The following SLC14A2 variants were observed in gnomAD, a reference collection of about 807,000 sequenced individuals.
SLC14A2 encodes solute carrier family 14 member 2, also known as urea transporter 2.
In SLC14A2, 91 loss-of-function variants were observed where a neutral mutation model predicts 104.6. The ratio of observed to expected loss-of-function variants is 0.87; its 90% CI spans 0.73 to 1.04. The LOEUF (loss-of-function observed/expected upper bound fraction) is 1.04, where lower values mean the gene tolerates loss of function less well. SLC14A2 is among the 50% of genes least tolerant of loss of function. SLC14A2 has a pLI of 0.00. For missense variants in SLC14A2, 1,189 were observed against 1,156.0 expected (o/e 1.03, Z -0.41); for synonymous variants, 476 against 466.4 (o/e 1.02, Z -0.27).
Position 45,505,546 on chromosome 18 carries a change from C to G in SLC14A2, c.-35+22224C>G, listed in dbSNP as rs545815975. 7.8e-4 allele frequency among the ~76,000 whole-genome samples: 119 copies of G among 152,204 alleles called. 1 individual carries two copies. The highest frequency in any genetic ancestry group is 2.6e-3 in the African/African-American group (109 of 41,532). On this transcript the variant is annotated intron_variant, in intron 2 of 20. Coordinates refer to the SLC14A2 transcript ENST00000586448. ...CAACTTTCTGAGTTTTCCCTGCATC[C>G]CCACATACCTCACCCCAGAAACAGC...
chr18:45,473,280 C>T (rs543039896), intron 1 of SLC14A2, among the ~76,000 whole-genome samples: 3 of 152,142 alleles, frequency 2.0e-5, no homozygotes, highest in African/African-American at 7.2e-5. Context: ...GTTACTGTAG[C>T]GTTGTAGTAT....
intron 2 of SLC14A2, among the ~76,000 whole-genome samples, chr18:45,531,509 G>A (rs1201118990): frequency 2.0e-5 from 3 of 152,028 alleles, no homozygotes; most frequent in Non-Finnish European, 2.9e-5. Flanking sequence ...TTTTGAGAAG[G>A]GTCTGTTCAT....
intron 1 of SLC14A2, among the ~76,000 whole-genome samples, chr18:45,259,840 G>T (rs2084517490): frequency 6.6e-6 from 1 of 152,164 alleles, no homozygotes; most frequent in Non-Finnish European, 1.5e-5. Context: ...AGTAATCTGG[G>T]GAAGTAGATG....
intron 1 of SLC14A2, among the ~76,000 whole-genome samples, chr18:45,393,585 A>C (rs1235936964): frequency 6.6e-6 from 1 of 152,202 alleles, no homozygotes; most frequent in African/African-American, 2.4e-5. Flanking sequence ...AAAGATCACT[A>C]TCCCAAGAAG....
intron 2 of SLC14A2, among the ~76,000 whole-genome samples, chr18:45,563,847 G>A (rs1181308541): frequency 6.6e-6 from 1 of 152,188 alleles, no homozygotes; most frequent in African/African-American, 2.4e-5. Flanking sequence ...ATTTGTCACT[G>A]GTAATGCCAC....
chr18:45,283,420 A>T (rs891329573), intron 1 of SLC14A2, among the ~76,000 whole-genome samples: 1 of 136,576 alleles, frequency 7.3e-6, no homozygotes, highest in African/African-American at 3.2e-5. Context: ...TTTCCCTCTG[A>T]CTCTGAGCAG....
intron 10 of SLC14A2, among the ~76,000 whole-genome samples, chr18:45,653,553 T>C (rs1385897074): frequency 1.3e-5 from 2 of 152,076 alleles, no homozygotes; most frequent in Non-Finnish European, 2.9e-5. Flanking sequence ...CATGTTTGGA[T>C]TGGGCCCCCT....
intron 2 of SLC14A2, among the ~76,000 whole-genome samples, chr18:45,555,566 C>T (rs1175311173): frequency 1.3e-5 from 2 of 152,208 alleles, no homozygotes; most frequent in African/African-American, 4.8e-5. Context: ...AGGATTCATA[C>T]ATAAACCAAT....
chr18:45,343,233 A>G (rs1468117013), intron 1 of SLC14A2, among the ~76,000 whole-genome samples: 1 of 148,946 alleles, frequency 6.7e-6, no homozygotes, highest in Non-Finnish European at 1.5e-5. Context: ...TGAAGGTTGC[A>G]TTGTGTCTCT....
chr18:45,456,848 G>C lies in SLC14A2; in HGVS notation c.-124-26385G>C, dbSNP rs117084873. On this transcript the variant is annotated intron_variant, in intron 1 of 20. Coordinates refer to the SLC14A2 transcript ENST00000586448. Reference sequence around the variant, plus strand: ...TCTTCCCAGCTGCAGGGCTGTTGCAGATTTTCAAAGCTGAGGTAAAGACAG... The same window carrying C: ...TCTTCCCAGCTGCAGGGCTGTTGCACATTTTCAAAGCTGAGGTAAAGACAG... Among the ~76,000 whole-genome samples, 932 of 151,600 alleles carry C rather than the reference G, an allele frequency of 6.1e-3. 8 individuals carry two copies. Among genetic ancestry groups the C allele is most frequent in the Non-Finnish European group, 8.0e-3 (546 of 67,986 alleles).
chr18:45,440,120 C>T (rs981865361), intron 1 of SLC14A2, among the ~76,000 whole-genome samples: 10 of 152,126 alleles, frequency 6.6e-5, no homozygotes, highest in African/African-American at 2.4e-4. Context: ...AAATGGATGG[C>T]TGGCTCTTCC....
At chr18:45,576,272 C>CTTTTTT (rs776335445) in intron 2 of SLC14A2, among the ~76,000 whole-genome samples, 45 of 90,670 alleles carry the variant, frequency 5.0e-4, no homozygotes, top group Middle Eastern at 8.8e-3. Flanking sequence ...GGAGCAGGGG[C>CTTTTTT]TTTTTTTTTT....
chr18:45,209,798 A>T (rs1260786277), upstream of SLC14A2, among the ~76,000 whole-genome samples: 2 of 152,214 alleles, frequency 1.3e-5, no homozygotes, highest in African/African-American at 2.4e-5. Context: ...GCTGATGGAC[A>T]TGCTCTCTTA....
chr18:45,478,205 C>G (rs1306276876), intron 1 of SLC14A2, among the ~76,000 whole-genome samples: 1 of 152,210 alleles, frequency 6.6e-6, no homozygotes, highest in African/African-American at 2.4e-5. Flanking sequence ...CCTCAAGGCA[C>G]AGTCCCTCAT....
intron 2 of SLC14A2, chr18:45,529,747 G>A (rs1469419045): frequency 1.3e-5 from 2 of 152,082 alleles, no homozygotes; most frequent in Non-Finnish European, 2.9e-5. Context: ...CACTTCACAT[G>A]TTCTCTTTAG....
intron 2 of SLC14A2, among the ~76,000 whole-genome samples, chr18:45,563,908 T>A (rs1216273345): frequency 6.6e-6 from 1 of 152,216 alleles, no homozygotes; most frequent in Non-Finnish European, 1.5e-5. Flanking sequence ...GTCAAGTATC[T>A]TTCACATATG....
At chr18:45,363,747 A>T (rs1360641087) in intron 1 of SLC14A2, among the ~76,000 whole-genome samples, 4 of 152,152 alleles carry the variant, frequency 2.6e-5, no homozygotes, top group Non-Finnish European at 5.9e-5. Context: ...GGTGGTGATG[A>T]TGGGGAGGGG....
chr18:45,649,574 C>A (rs2045694567), intron 10 of SLC14A2, among the ~76,000 whole-genome samples: 1 of 152,238 alleles, frequency 6.6e-6, no homozygotes, highest in Non-Finnish European at 1.5e-5. Context: ...CCCTGTCTTG[C>A]TATCTCTGTT....
At chr18:45,395,917 CTT>C (rs2086024807) in intron 1 of SLC14A2, among the ~76,000 whole-genome samples, 2 of 152,264 alleles carry the variant, frequency 1.3e-5, no homozygotes, top group South Asian at 2.1e-4. Context: ...GGGAAGGACT[CTT>C]AGCACTGAAC....
Sources: allele counts gnomAD v4.1 joint callset (sites outside exome capture counted in the v4.1 genomes callset), GRCh38; gene constraint gnomAD v4.1.1; transcripts MANE v1.5; gene names NCBI Gene and HGNC (gene_info 2026-07-23, HGNC 2026-07-21).